MAGI1: variants seen among roughly 807,000 people sequenced by gnomAD.
MAGI1 encodes membrane-associated guanylate kinase, WW and PDZ domain-containing protein 1.
A neutral mutation model predicts 139.9 loss-of-function variants in MAGI1; 58 were observed. The ratio of observed to expected loss-of-function variants is 0.41; its 90% CI spans 0.34 to 0.52. The LOEUF (loss-of-function observed/expected upper bound fraction) is 0.52, where lower values mean the gene tolerates loss of function less well. Among genes scored for constraint, MAGI1 ranks in the 20% least tolerant of loss-of-function variants. The pLI, the probability that MAGI1 is intolerant of heterozygous loss-of-function variation, is 0.12. For synonymous variants in MAGI1, 812 were observed against 737.9 expected, an observed-to-expected ratio of 1.10 and a Z score of -1.63; for missense variants, 1,874 against 1,901.6, an observed-to-expected ratio of 0.99 and a Z score of 0.27.
At chr3:65,630,537 A>G (rs553602947) in intron 1 of MAGI1, among the ~76,000 whole-genome samples, 1 of 152,356 alleles carries the variant, frequency 6.6e-6, no homozygotes, top group Admixed American at 6.5e-5. Context: ...CTACTCAGCC[A>G]TAAAAAGGAA....
At chr3:65,401,585 G>A (rs1203006277) in intron 12 of MAGI1, 115 bp from the exon 13 acceptor site, 1 of 1,553,226 alleles carries the variant, frequency 6.4e-7, no homozygotes, top group Non-Finnish European at 8.7e-7. Context: ...CATCTGCAGA[G>A]TTATGTCAGA....
chr3:65,939,037 C>T (rs893597678), intron 1 of MAGI1, among the ~76,000 whole-genome samples: 3 of 152,024 alleles, frequency 2.0e-5, no homozygotes, highest in Admixed American at 6.6e-5. Context: ...AATTCGTTTG[C>T]GCCCCCATCC....
chr3:65,537,326 C>A (rs1282133425), intron 2 of MAGI1, among the ~76,000 whole-genome samples: 1 of 152,174 alleles, frequency 6.6e-6, no homozygotes, highest in African/African-American at 2.4e-5. Context: ...GGAAGCCATA[C>A]CATTCATAAG....
intron 1 of MAGI1, among the ~76,000 whole-genome samples, chr3:65,855,508 G>T (rs985835855): frequency 2.1e-5 from 3 of 144,246 alleles, no homozygotes; most frequent in African/African-American, 7.9e-5. Flanking sequence ...GACTGAGGCA[G>T]GGGGGATCAC....
chr3:65,543,956 A>C (rs952298554), intron 2 of MAGI1, among the ~76,000 whole-genome samples: 1 of 152,158 alleles, frequency 6.6e-6, no homozygotes, highest in African/African-American at 2.4e-5. Flanking sequence ...GGAAAAGCCA[A>C]TCATTTTAGA....
At chr3:65,874,676 G>A (rs2060051970) in intron 1 of MAGI1, 1 of 152,200 alleles carries the variant, frequency 6.6e-6, no homozygotes, top group African/African-American at 2.4e-5. Context: ...GTAAAATGGT[G>A]CAGCTGCTTT....
At chr3:65,430,180 C>T (rs765082650) in intron 11 of MAGI1, 40 bp from the exon 12 acceptor site, 6 of 1,597,898 alleles carry the variant, frequency 3.8e-6, no homozygotes, top group Non-Finnish European at 5.1e-6. Context: ...AAAACAGCAC[C>T]CAGAAAATTG....
chr3:65,578,500 G>A (rs777959851), intron 2 of MAGI1, among the ~76,000 whole-genome samples: 1 of 152,116 alleles, frequency 6.6e-6, no homozygotes, highest in Non-Finnish European at 1.5e-5. Flanking sequence ...TCCCACTTGT[G>A]GCATCTAGCC....
chr3:65,741,999 T>C (rs970936), intron 1 of MAGI1, among the ~76,000 whole-genome samples: 149,875 of 152,300 alleles, frequency 0.98, 73,785 homozygotes, highest in East Asian at 1. Flanking sequence ...GTAGGATGTT[T>C]GGAATCCACT....
intron 1 of MAGI1, among the ~76,000 whole-genome samples, chr3:65,882,986 G>A (rs866401388): frequency 1.6e-4 from 24 of 150,482 alleles, no homozygotes; most frequent in Non-Finnish European, 7.4e-5. Flanking sequence ...GAAAAGGGAA[G>A]AGAAAGGACA....
intron 1 of MAGI1, among the ~76,000 whole-genome samples, chr3:65,741,637 T>A (rs1426391874): frequency 6.6e-6 from 1 of 151,548 alleles, no homozygotes; most frequent in Admixed American, 6.6e-5. Context: ...ATTTGCAGAG[T>A]TTTTAAAGAA....
At chr3:65,603,621 G>A (rs2082586295) in intron 2 of MAGI1, among the ~76,000 whole-genome samples, 1 of 152,198 alleles carries the variant, frequency 6.6e-6, no homozygotes, top group Non-Finnish European at 1.5e-5. Context: ...CTACATGCTG[G>A]TCTTGTAAGC....
At chr3:65,766,445 G>A (rs770756778) in intron 1 of MAGI1, among the ~76,000 whole-genome samples, 2 of 152,070 alleles carry the variant, frequency 1.3e-5, no homozygotes, top group Non-Finnish European at 2.9e-5. Flanking sequence ...CGTTGCAAGG[G>A]ATTGTACAGC....
chr3:65,467,201 T>C (rs1337778361), intron 5 of MAGI1, among the ~76,000 whole-genome samples: 1 of 152,234 alleles, frequency 6.6e-6, no homozygotes, highest in African/African-American at 2.4e-5. Flanking sequence ...CAAAGGTTTA[T>C]AAATCCATGC....
Position 65,434,816 on chromosome 3 carries a change from A to T in MAGI1, c.1363+2339T>A, listed in dbSNP as rs1365825845. On this transcript the variant is annotated intron_variant, in intron 10 of 22. Transcript: ENST00000402939. ...TTGAAACGTGTGGATCAACAGAGAG[A>T]CTACACAGTAGAAGGGTGGTAAGAA... Among the ~76,000 whole-genome samples, 7 of 152,126 alleles carry T rather than the reference A, an allele frequency of 4.6e-5. No individual in the cohort carries two copies. The East Asian group carries it at 1.4e-3, about 29-fold the overall frequency.
intron 1 of MAGI1, among the ~76,000 whole-genome samples, chr3:65,912,350 G>A (rs2061706330): frequency 6.6e-6 from 1 of 151,922 alleles, no homozygotes; most frequent in Admixed American, 6.6e-5. Context: ...GGGGAGACTT[G>A]AACAGCAGGC....
rs1943089408 is a variant in MAGI1, at chr3:65,381,949, C to T, written c.2629G>A (p.Val877Ile). Residue 877 changes from valine (V) to isoleucine (I), a missense_variant, in exon 16 of 23, where the codon GTC (valine) becomes ATC (isoleucine). Around this residue, in one of 5 missense-constraint regions of MAGI1, gnomAD observed 482 missense variants for 509.6 expected, o/e 0.95. Transcript: ENST00000402939. ...PVIGKSHQLV[V>I]QLMQQAAKQG... ...TTGGCAGCTTGTTGCATAAGCTGGA[C>T]CACAAGCTGGTGTGATTTTCCAATT... is the stretch of plus-strand genomic sequence containing the variant. 2 of 1,614,112 alleles carry T rather than the reference C, an allele frequency of 1.2e-6. No homozygotes were observed. Among genetic ancestry groups the T allele is most frequent in the South Asian group, 1.1e-5 (1 of 91,078 alleles).
intron 2 of MAGI1, chr3:65,609,594 T>G (rs184121630): frequency 2.5e-3 from 324 of 131,870 alleles, no homozygotes; most frequent in African/African-American, 9.4e-3. Flanking sequence ...TTTGTTTTTG[T>G]TTTTTTTTGA....
chr3:65,379,363 C>T lies in MAGI1; in HGVS notation c.2893G>A (p.Val965Met), dbSNP rs928574212. 3.1e-6 allele frequency: 5 copies of T among 1,612,718 alleles called. No homozygotes were observed. The East Asian group carries it at 8.9e-5, about 29-fold the overall frequency. The change falls in exon 17 of 23, where the codon GTG (valine) becomes ATG (methionine). Residue 965 changes from valine to methionine, a missense_variant. Around this residue, in one of 5 missense-constraint regions of MAGI1, gnomAD observed 482 missense variants for 509.6 expected, o/e 0.95. Transcript: ENST00000402939. ...ATCTCCACGTCGTAGGGCTGCACCA[C>T]GGTGCTGACCACGCCGCTGCCCCCG... ...GGGGSGVVST[V>M]VQPYDVEIRR...
Sources: gnomAD v4.1 joint callset for allele counts (sites outside exome capture counted in the v4.1 genomes callset) on GRCh38, gnomAD v4.1.1 for gene constraint, gnomAD v4.1.1 regional missense constraint, MANE v1.5 for transcripts, NCBI Gene and HGNC (gene_info 2026-07-23, HGNC 2026-07-21) for gene names.